The following NUP210L variants were observed in gnomAD, a reference collection of about 807,000 sequenced individuals.
NUP210L encodes the protein nucleoporin 210 like, also known as nuclear pore membrane glycoprotein 210-like.
NUP210L carries 74 observed loss-of-function variants against 208.5 expected under a neutral mutation model. The ratio of observed to expected loss-of-function variants is 0.35; its 90% CI spans 0.29 to 0.43. NUP210L has a LOEUF of 0.43. NUP210L is among the 20% of genes least tolerant of loss of function. The pLI is 1.00. For synonymous variants in NUP210L, 780 were observed against 816.9 expected (o/e 0.95, Z 0.77); for missense variants, 1,843 against 2,289.4 (o/e 0.81, Z 3.98).
At position 154,105,869 on chromosome 1, in the gene NUP210L, T is replaced by A. The variant is rs146205357; in HGVS notation, c.1621-1659A>T. 7.4e-4 allele frequency among the ~76,000 whole-genome samples: 112 copies of A among 152,288 alleles called. 1 individual carries two copies. The highest frequency in any genetic ancestry group is 2.6e-3 in the African/African-American group (109 of 41,562). On this transcript the variant is annotated intron_variant, in intron 12 of 39. Transcript: ENST00000368559. ...GCTGACTGAAGAGCCTTTGGACCTT[T>A]AATGAACATTGGTAGTAGCTAGTCA...
intron 27 of NUP210L, among the ~76,000 whole-genome samples, chr1:154,034,037 C>G (rs534461207): frequency 6.6e-6 from 1 of 151,114 alleles, no homozygotes; most frequent in African/African-American, 2.4e-5. Flanking sequence ...AATTTTCATG[C>G]CTGGCCATGA....
intron 27 of NUP210L, among the ~76,000 whole-genome samples, chr1:154,036,231 G>A (rs945879484): frequency 6.6e-6 from 1 of 150,542 alleles, no homozygotes; most frequent in Non-Finnish European, 1.5e-5. Flanking sequence ...ATTCCATTGT[G>A]GTCAGAAAAA....
chr1:154,097,982 C>T (rs1656255130), intron 14 of NUP210L, among the ~76,000 whole-genome samples: 1 of 152,190 alleles, frequency 6.6e-6, no homozygotes, highest in African/African-American at 2.4e-5. Context: ...GTGCTTGGCT[C>T]ATGCTACCAG....
chr1:154,035,360 C>T (rs1337457140), intron 27 of NUP210L, among the ~76,000 whole-genome samples: 1 of 150,492 alleles, frequency 6.6e-6, no homozygotes, highest in Non-Finnish European at 1.5e-5. Flanking sequence ...TTTTCTCGTT[C>T]TTTAAGATGC....
chr1:154,017,377 C>T (rs373525235), intron 33 of NUP210L, among the ~76,000 whole-genome samples: 2 of 141,008 alleles, frequency 1.4e-5, no homozygotes, highest in African/African-American at 2.5e-5. Flanking sequence ...AACCATCAGT[C>T]ATTTCTCAAT....
chr1:154,057,688 G>A (rs568399045), intron 22 of NUP210L, among the ~76,000 whole-genome samples: 2 of 140,722 alleles, frequency 1.4e-5, no homozygotes, highest in African/African-American at 5.2e-5. Context: ...TGAGGACCTC[G>A]AATGTGTGTG....
At chr1:154,133,701 C>T (rs575550697) in intron 7 of NUP210L, among the ~76,000 whole-genome samples, 36 of 151,688 alleles carry the variant, frequency 2.4e-4, no homozygotes, top group African/African-American at 8.5e-4. Context: ...ATTAGCTGGG[C>T]GTGGTGGCAC....
At chr1:154,033,322 C>A (rs1652360694) in intron 27 of NUP210L, among the ~76,000 whole-genome samples, 10 of 152,152 alleles carry the variant, frequency 6.6e-5, no homozygotes, top group Admixed American at 6.6e-4. Flanking sequence ...AATCTTTGCC[C>A]AGTCCAGTGT....
intron 13 of NUP210L, among the ~76,000 whole-genome samples, chr1:154,100,693 T>A (rs992506228): frequency 2.0e-5 from 3 of 150,772 alleles, no homozygotes; most frequent in Admixed American, 6.6e-5. Flanking sequence ...TAATTTTTTA[T>A]ATTTTTAGTA....
chr1:154,089,103 A>T (rs1257036651), intron 16 of NUP210L, among the ~76,000 whole-genome samples: 2 of 152,220 alleles, frequency 1.3e-5, no homozygotes, highest in African/African-American at 4.8e-5. Flanking sequence ...ACTTAAGTAT[A>T]GTAAACAAGT....
intron 12 of NUP210L, among the ~76,000 whole-genome samples, chr1:154,112,830 T>G (rs1657107236): frequency 1.4e-5 from 2 of 141,772 alleles, no homozygotes; most frequent in Admixed American, 7.5e-5. Context: ...CACTCCAGCA[T>G]GGGCAACAGA....
chr1:154,094,820 T>C, intron 15 of NUP210L, 115 bp downstream of exon 15: 1 of 717,068 alleles, frequency 1.4e-6, no homozygotes. Flanking sequence ...ATAATTAGAA[T>C]TTTCCTATTT....
chr1:154,136,658 C>T (rs980568124), intron 6 of NUP210L, among the ~76,000 whole-genome samples: 21 of 151,684 alleles, frequency 1.4e-4, no homozygotes, highest in Admixed American at 2.0e-4. Flanking sequence ...CGGTGGTTCA[C>T]GCCTGTAATC....
intron 16 of NUP210L, among the ~76,000 whole-genome samples, chr1:154,074,918 A>G (rs1489845162): frequency 6.6e-6 from 1 of 152,234 alleles, no homozygotes; most frequent in Non-Finnish European, 1.5e-5. Context: ...TGTAGTAAAC[A>G]TTGTACTCAA....
intron 16 of NUP210L, among the ~76,000 whole-genome samples, chr1:154,071,507 G>T (rs1452730963): frequency 6.8e-6 from 1 of 147,584 alleles, no homozygotes; most frequent in South Asian, 2.2e-4. Flanking sequence ...CATCCTCATA[G>T]TTTAGTTCCT....
intron 2 of NUP210L, among the ~76,000 whole-genome samples, chr1:154,145,141 G>A (rs1000378155): frequency 6.7e-5 from 10 of 150,042 alleles, no homozygotes; most frequent in Admixed American, 4.0e-4. Context: ...ACATTGGCTG[G>A]GCGTGATGGC....
intron 16 of NUP210L, chr1:154,078,870 A>G (rs774499913): frequency 4.6e-5 from 7 of 152,248 alleles, no homozygotes; most frequent in Non-Finnish European, 1.0e-4. Context: ...AAGGCCATGC[A>G]GTTCATCATG....
At chr1:154,049,497 C>CTA (rs1385343498) in intron 25 of NUP210L, among the ~76,000 whole-genome samples, 7 of 152,152 alleles carry the variant, frequency 4.6e-5, no homozygotes, top group Admixed American at 3.3e-4. Context: ...CCTCCAGAAT[C>CTA]TATAGCTTTA....
intron 13 of NUP210L, among the ~76,000 whole-genome samples, chr1:154,102,483 G>A (rs1000216284): frequency 6.6e-5 from 10 of 152,052 alleles, no homozygotes; most frequent in Non-Finnish European, 1.0e-4. Context: ...GAGAGGAGGG[G>A]AAAGATCACT....
Sources: gnomAD v4.1 joint callset for allele counts (sites outside exome capture counted in the v4.1 genomes callset) on GRCh38, gnomAD v4.1.1 for gene constraint, MANE v1.5 for transcripts, NCBI Gene and HGNC (gene_info 2026-07-23, HGNC 2026-07-21) for gene names.